The following SNRPN variants were observed in gnomAD, a reference collection of about 807,000 sequenced individuals.
The protein encoded by SNRPN is small nuclear ribonucleoprotein polypeptide N, also known as small nuclear ribonucleoprotein-associated protein N.
In SNRPN, 7 loss-of-function variants were observed where a neutral mutation model predicts 25.2. That is an observed-to-expected ratio of 0.28 (90% CI 0.16 to 0.52). The LOEUF (loss-of-function observed/expected upper bound fraction) is 0.52. SNRPN is among the 20% of genes least tolerant of loss of function. The pLI is 0.96. For missense variants in SNRPN, 196 were observed against 322.5 expected (o/e 0.61, Z 3.00); for synonymous variants, 124 against 110.6 (o/e 1.12, Z -0.76).
chr15:24,901,565 T>A (rs1335698757), intron 2 of SNRPN, among the ~76,000 whole-genome samples: 2 of 152,230 alleles, frequency 1.3e-5, no homozygotes. Flanking sequence ...TACCTGGGAA[T>A]ATGCTCAATT....
chr15:24,872,117 T>A lies in SNRPN; in HGVS notation c.-578-14399T>A, dbSNP rs568545092. Among the ~76,000 whole-genome samples, 5 of 121,620 alleles carry A rather than the reference T, an allele frequency of 4.1e-5. 1 individual carries two copies. Among genetic ancestry groups the A allele is most frequent in the African/African-American group, 1.4e-4 (5 of 35,618 alleles). 79.8% of individuals were successfully genotyped at this position (121,620 alleles called of 152,430 possible). On this transcript the variant is annotated intron_variant, in intron 1 of 11. Coordinates refer to the SNRPN transcript ENST00000400097. ...TTTTGCTTCTGTTACTTGTGTTTTTTGTGTTATATCTTAGAAACCATTAAT... is the reference window on the plus strand; with the variant it reads ...TTTTGCTTCTGTTACTTGTGTTTTTAGTGTTATATCTTAGAAACCATTAAT...
At chr15:24,914,279 G>A (rs1028510776) in intron 2 of SNRPN, among the ~76,000 whole-genome samples, 5 of 152,162 alleles carry the variant, frequency 3.3e-5, no homozygotes, top group African/African-American at 9.7e-5. Flanking sequence ...CAGATGTGCA[G>A]CCCAACGGTG....
At chr15:24,863,060 C>G (rs1287519182) in intron 1 of SNRPN, among the ~76,000 whole-genome samples, 1 of 150,574 alleles carries the variant, frequency 6.6e-6, no homozygotes, top group African/African-American at 2.5e-5. Context: ...AAGTGTTACT[C>G]ACAATCCATG....
intron 3 of SNRPN, among the ~76,000 whole-genome samples, chr15:24,948,620 C>G (rs574903459): frequency 6.5e-4 from 99 of 152,186 alleles, no homozygotes; most frequent in African/African-American, 2.3e-3. Flanking sequence ...CAGGAAATCA[C>G]AGTACAGCTA....
chr15:24,948,637 A>T (rs994395095), intron 3 of SNRPN, among the ~76,000 whole-genome samples: 2 of 152,026 alleles, frequency 1.3e-5, no homozygotes, highest in Non-Finnish European at 2.9e-5. Context: ...GCTAGTACTC[A>T]TGTGTCTCAA....
chr15:24,960,447 C>G (rs968068753), intron 1 of SNRPN, among the ~76,000 whole-genome samples: 10 of 152,094 alleles, frequency 6.6e-5, no homozygotes, highest in African/African-American at 2.4e-4. Context: ...CTCAAGCGCC[C>G]TCTCACCTTA....
intron 2 of SNRPN, among the ~76,000 whole-genome samples, chr15:24,890,981 G>C (rs1163007430): frequency 6.6e-6 from 1 of 151,994 alleles, no homozygotes; most frequent in Non-Finnish European, 1.5e-5. Context: ...CATGATCTCA[G>C]CTCACTGCAA....
upstream of SNRPN, among the ~76,000 whole-genome samples, chr15:24,854,066 AT>A (rs1326168897): frequency 6.6e-6 from 1 of 150,534 alleles, no homozygotes; most frequent in East Asian, 1.9e-4. Flanking sequence ...TTACACTTAC[AT>A]TTTACTAGTT....
Position 24,974,349 on chromosome 15 carries a change from T to C in SNRPN, c.-105T>C. The C allele has an allele frequency of 9.6e-7, 1 of 1,046,968 alleles. No individual in the cohort carries two copies. The highest frequency in any genetic ancestry group is 1.5e-6 in the Non-Finnish European group (1 of 664,222). The allele number at this position is 1,046,968 out of a possible 1,614,324, so 64.9% of individuals were successfully genotyped here. On this transcript the variant is annotated 5_prime_UTR_variant, in exon 4 of 10. Coordinates refer to ENST00000390687, the MANE Select transcript of SNRPN (RefSeq NM_003097.6). ...TTTGAAGCTTCTGCCCAGCTTGCATTGTTTCTAGGAGAACCTGCGTCATAC... is the reference window on the plus strand; with the variant it reads ...TTTGAAGCTTCTGCCCAGCTTGCATCGTTTCTAGGAGAACCTGCGTCATAC...
chr15:24,902,713 C>T (rs952613119), intron 2 of SNRPN, among the ~76,000 whole-genome samples: 1 of 152,154 alleles, frequency 6.6e-6, no homozygotes, highest in Non-Finnish European at 1.5e-5. Flanking sequence ...GCTCTCAGTC[C>T]GGAGTTGTTC....
At chr15:24,953,694 T>G (rs2153229902), upstream of SNRPN, among the ~76,000 whole-genome samples, 1 of 152,356 alleles carries the variant, frequency 6.6e-6, no homozygotes, top group Non-Finnish European at 1.5e-5. Context: ...TATGTATCAA[T>G]GAACTATTAG....
upstream of SNRPN, chr15:24,954,804 A>G (rs1380012363): frequency 1.4e-5 from 8 of 590,090 alleles, no homozygotes; most frequent in Non-Finnish European, 2.1e-5. Flanking sequence ...CTCTCATTGC[A>G]ACAGTGCTGT....
Position 24,889,066 on chromosome 15 carries a change from C to T in SNRPN, c.-505+2477C>T, listed in dbSNP as rs142900073. Among the ~76,000 whole-genome samples the T allele has an allele frequency of 9.0e-4, 134 of 149,490 alleles. 1 individual carries two copies. The highest frequency in any genetic ancestry group is 2.8e-3 in the African/African-American group (112 of 40,682). On this transcript the variant is annotated intron_variant, in intron 2 of 11. Transcript: ENST00000400097. The stretch of plus-strand genomic sequence containing the variant: ...CCGAGTAGCTGGAACTACAGGCACA[C>T]GCCACCACACCTGGCTAATTTTTAT...
chr15:24,856,427 C>T (rs1274355039), upstream of SNRPN: 1 of 152,242 alleles, frequency 6.6e-6, no homozygotes, highest in African/African-American at 2.4e-5. Context: ...TTCTACCCAC[C>T]CAGCAACCAC....
chr15:24,878,485 C>A (rs2056221807), intron 1 of SNRPN, among the ~76,000 whole-genome samples: 1 of 152,236 alleles, frequency 6.6e-6, no homozygotes, highest in South Asian at 2.1e-4. Flanking sequence ...TTTCCGTGCG[C>A]CCCGAGGGTC....
At chr15:24,903,790 T>C (rs570333588) in intron 2 of SNRPN, among the ~76,000 whole-genome samples, 4 of 152,176 alleles carry the variant, frequency 2.6e-5, no homozygotes, top group African/African-American at 9.6e-5. Flanking sequence ...TCCCATCACT[T>C]TGGAGGCAGA....
At chr15:24,941,809 C>T (rs2061574041) in intron 3 of SNRPN, among the ~76,000 whole-genome samples, 1 of 151,992 alleles carries the variant, frequency 6.6e-6, no homozygotes, top group Admixed American at 6.6e-5. Flanking sequence ...GACAGAGTCT[C>T]ACTCTGTCAC....
At chr15:24,834,794 C>A (rs2050904147) in intron 2 of SNRPN, among the ~76,000 whole-genome samples, 1 of 128,516 alleles carries the variant, frequency 7.8e-6, no homozygotes, top group African/African-American at 2.9e-5. Flanking sequence ...GGCGTGGTGG[C>A]AGTCACCTGT....
chr15:24,962,092 A>G, intron 1 of SNRPN, 22 bp from the exon 2 acceptor site: 1 of 1,600,778 alleles, frequency 6.2e-7, no homozygotes, highest in Non-Finnish European at 8.6e-7. Flanking sequence ...TACCAAACAA[A>G]TGCCTCTCTT....
Sources: allele counts gnomAD v4.1 joint callset (sites outside exome capture counted in the v4.1 genomes callset), GRCh38; gene constraint gnomAD v4.1.1; transcripts MANE v1.5; gene names NCBI Gene and HGNC (gene_info 2026-07-23, HGNC 2026-07-21).